Variants in SDK2 observed in about 807,000 individuals in gnomAD.
SDK2 encodes the protein sidekick cell adhesion molecule 2.
Under a neutral mutation model 253.9 loss-of-function variants are expected in SDK2, and 105 were observed. That is an observed-to-expected ratio of 0.41 (90% CI 0.35 to 0.49). The LOEUF is 0.49. Ranked by LOEUF, SDK2 falls within the 20% of genes least tolerant of loss-of-function variation. The pLI is 0.06. For missense variants in SDK2, 2,608 were observed against 3,003.0 expected (o/e 0.87, Z 3.07); for synonymous variants, 1,249 against 1,234.9 (o/e 1.01, Z -0.24).
At chr17:73,536,994 G>C (rs573156888) in intron 1 of SDK2, among the ~76,000 whole-genome samples, 10 of 152,312 alleles carry the variant, frequency 6.6e-5, no homozygotes, top group African/African-American at 2.4e-4. Flanking sequence ...GGAGGGGCAG[G>C]AGTGAGATCT....
intron 1 of SDK2, among the ~76,000 whole-genome samples, chr17:73,516,272 A>G (rs564125914): frequency 3.3e-5 from 5 of 152,198 alleles, no homozygotes; most frequent in Non-Finnish European, 7.3e-5. Context: ...CATTGGTCAA[A>G]CCCAGGTGGG....
chr17:73,354,532 T>C (rs1425226698), intron 40 of SDK2, among the ~76,000 whole-genome samples: 1 of 152,126 alleles, frequency 6.6e-6, no homozygotes, highest in African/African-American at 2.4e-5. Flanking sequence ...GTCTTCCTGC[T>C]GGTGGCAGTG....
At position 73,401,223 on chromosome 17, in the gene SDK2, C is replaced by T. The variant is rs1266697835; in HGVS notation, c.2780-12G>A. On this transcript the variant is annotated splice_polypyrimidine_tract_variant and intron_variant, in intron 20 of 44. Transcript: ENST00000392650. Reference sequence around the variant, plus strand: ...GGAGATCCGGTACCCTGGGGAGAGCCGCCGTGTTGGCATGAGCTTGGCTGT... The same window carrying T: ...GGAGATCCGGTACCCTGGGGAGAGCTGCCGTGTTGGCATGAGCTTGGCTGT... 3.2e-6 allele frequency: 5 copies of T among 1,538,526 alleles called. No individual in the cohort carries two copies. Among genetic ancestry groups the T allele is most frequent in the Admixed American group, 2.0e-5 (1 of 50,408 alleles).
chr17:73,593,243 C>T (rs1047644393), intron 1 of SDK2, among the ~76,000 whole-genome samples: 1 of 152,168 alleles, frequency 6.6e-6, no homozygotes, highest in African/African-American at 2.4e-5. Context: ...TTCTGTCATC[C>T]CTGGATCCAG....
chr17:73,410,691 C>T (rs1022011419), intron 18 of SDK2, among the ~76,000 whole-genome samples: 13 of 152,222 alleles, frequency 8.5e-5, no homozygotes, highest in Non-Finnish European at 1.8e-4. Flanking sequence ...AGTGTACTGC[C>T]TGGCCCAGAG....
chr17:73,371,377 G>A (rs7220731), intron 36 of SDK2, among the ~76,000 whole-genome samples: 30 of 152,288 alleles, frequency 2.0e-4, no homozygotes, highest in African/African-American at 7.2e-4. Flanking sequence ...AAGAGCTAGC[G>A]AGGGAAGCTG....
intron 1 of SDK2, among the ~76,000 whole-genome samples, chr17:73,547,654 TC>T (rs2044986835): frequency 6.6e-6 from 1 of 152,206 alleles, no homozygotes; most frequent in Non-Finnish European, 1.5e-5. Context: ...CTCAATGGTC[TC>T]CTTCAAGCTC....
chr17:73,357,439 G>C (rs1459444495), intron 40 of SDK2: 1 of 169,312 alleles, frequency 5.9e-6, no homozygotes, highest in African/African-American at 2.4e-5. Context: ...TCCTGCTCTT[G>C]CTGACTCTGG....
chr17:73,606,013 CCAAA>C (rs1171088910), intron 1 of SDK2, among the ~76,000 whole-genome samples: 4 of 151,840 alleles, frequency 2.6e-5, no homozygotes, highest in Non-Finnish European at 2.9e-5. Flanking sequence ...CCCACTCATA[CCAAA>C]CAAACAAAAT....
chr17:73,504,123 G>A (rs1168731462), intron 2 of SDK2, among the ~76,000 whole-genome samples: 1 of 151,886 alleles, frequency 6.6e-6, no homozygotes, highest in East Asian at 1.9e-4. Context: ...GGCAAAAAAG[G>A]TGTCAGGGGA....
intron 1 of SDK2, among the ~76,000 whole-genome samples, chr17:73,569,739 C>G (rs186708329): frequency 6.6e-6 from 1 of 151,660 alleles, no homozygotes; most frequent in Non-Finnish European, 1.5e-5. Flanking sequence ...AAAGATCAGA[C>G]GAGAAAAGAA....
intron 44 of SDK2, among the ~76,000 whole-genome samples, chr17:73,342,717 G>C (rs976372641): frequency 3.3e-5 from 5 of 151,404 alleles, no homozygotes; most frequent in East Asian, 1.9e-4. Flanking sequence ...CGAGTCTCTG[G>C]GGGGAGGAGC....
chr17:73,518,504 C>G lies in SDK2; in HGVS notation c.65-10907G>C, dbSNP rs574527499. The G allele has an allele frequency of 9.8e-5, 15 of 152,306 alleles. No homozygotes were observed. In the East Asian group the frequency reaches 2.7e-3, roughly 28 times the overall value. The allele number at this position is 152,306 out of a possible 1,614,324, so 9.4% of individuals were successfully genotyped here. On this transcript the variant is annotated intron_variant, in intron 1 of 44. Transcript: ENST00000392650. The stretch of plus-strand genomic sequence containing the variant: ...TGCAAGCCCTTCTCATAGCCGGGGC[C>G]TCCTGTTTGAACCACACAGGTAAAC...
chr17:73,340,850 T>C (rs1055401809), intron 44 of SDK2, among the ~76,000 whole-genome samples: 1 of 141,042 alleles, frequency 7.1e-6, no homozygotes, highest in African/African-American at 2.5e-5. Context: ...TTCAAGTGAT[T>C]CTCCTGCCTC....
chr17:73,354,031 G>T (rs1046337303), intron 40 of SDK2, among the ~76,000 whole-genome samples: 1 of 151,988 alleles, frequency 6.6e-6, no homozygotes, highest in Non-Finnish European at 1.5e-5. Context: ...ACAGCTGCAG[G>T]AAAGATTTGG....
At chr17:73,638,033 C>A (rs2046353655) in intron 1 of SDK2, among the ~76,000 whole-genome samples, 1 of 152,210 alleles carries the variant, frequency 6.6e-6, no homozygotes, top group Non-Finnish European at 1.5e-5. Context: ...GAGGGCGGGG[C>A]CCCCACTCTT....
chr17:73,546,796 T>G (rs2044972579), intron 1 of SDK2, among the ~76,000 whole-genome samples: 1 of 152,192 alleles, frequency 6.6e-6, no homozygotes, highest in Non-Finnish European at 1.5e-5. Flanking sequence ...AAGGTACATT[T>G]CAGAATAAGC....
intron 36 of SDK2, among the ~76,000 whole-genome samples, chr17:73,376,086 T>A (rs1437085744): frequency 6.7e-6 from 1 of 148,362 alleles, no homozygotes; most frequent in African/African-American, 2.5e-5. Context: ...CCCAGCTACT[T>A]GGGAGGCGGA....
intron 2 of SDK2, among the ~76,000 whole-genome samples, chr17:73,499,485 CA>C (rs972698785): frequency 2.0e-4 from 30 of 152,370 alleles, no homozygotes; most frequent in African/African-American, 6.7e-4. Flanking sequence ...CCACATGGGC[CA>C]GGGGTGGGAC....
Sources: gnomAD v4.1 joint callset for allele counts (sites outside exome capture counted in the v4.1 genomes callset) on GRCh38, gnomAD v4.1.1 for gene constraint, MANE v1.5 for transcripts, NCBI Gene and HGNC (gene_info 2026-07-23, HGNC 2026-07-21) for gene names.